Variants in ANKS1A observed in about 807,000 individuals in gnomAD.
ANKS1A encodes the protein ankyrin repeat and sterile alpha motif domain containing 1A.
In ANKS1A, 55 loss-of-function variants were observed where a neutral mutation model predicts 120.3. That is an observed-to-expected ratio of 0.46 (90% CI 0.37 to 0.57). The LOEUF (loss-of-function observed/expected upper bound fraction) is 0.57, where lower values mean the gene tolerates loss of function less well. Ranked by LOEUF, ANKS1A falls within the 20% of genes least tolerant of loss-of-function variation. The probability of loss-of-function intolerance (pLI) is 0.00; values close to 1 mark genes in which losing one functional copy is unlikely to be tolerated. For synonymous variants in ANKS1A, 590 were observed against 604.7 expected (o/e 0.98, Z 0.36); for missense variants, 1,123 against 1,480.3 (o/e 0.76, Z 3.96).
chr6:34,891,366 C>T (rs1766815948), intron 1 of ANKS1A, among the ~76,000 whole-genome samples: 1 of 152,068 alleles, frequency 6.6e-6, no homozygotes, highest in African/African-American at 2.4e-5. Context: ...ATTCTCAGTC[C>T]CTAGATCAGT....
At chr6:34,991,722 A>G (rs1772563228) in intron 9 of ANKS1A, among the ~76,000 whole-genome samples, 1 of 73,804 alleles carries the variant, frequency 1.4e-5, no homozygotes, top group Non-Finnish European at 2.9e-5. Context: ...ACATATATAT[A>G]CATATATACA....
At chr6:34,933,820 A>G (rs1409317731) in intron 1 of ANKS1A, among the ~76,000 whole-genome samples, 2 of 152,216 alleles carry the variant, frequency 1.3e-5, no homozygotes, top group African/African-American at 2.4e-5. Flanking sequence ...CTTTGAAAAA[A>G]TACTAACAAA....
Position 35,032,930 on chromosome 6 carries a change from A to G in ANKS1A, c.2010+14871A>G, listed in dbSNP as rs146893916. 3.0e-3 allele frequency among the ~76,000 whole-genome samples: 460 copies of G among 152,334 alleles called. 2 individuals carry two copies. The highest frequency in any genetic ancestry group is 9.7e-3 in the African/African-American group (405 of 41,574). ...CCTCCCTCACCCATTTTTTAAAGGTAAAAATATTTCACTAAAACAAGCTGG... is the reference window on the plus strand; with the variant it reads ...CCTCCCTCACCCATTTTTTAAAGGTGAAAATATTTCACTAAAACAAGCTGG... On this transcript the variant is annotated intron_variant, in intron 11 of 23. Coordinates refer to ENST00000360359, the MANE Select transcript of ANKS1A (RefSeq NM_015245.3).
chr6:35,071,456 G>T (rs1777083289), intron 13 of ANKS1A, among the ~76,000 whole-genome samples: 1 of 152,138 alleles, frequency 6.6e-6, no homozygotes. Context: ...TCAGTCTTAG[G>T]ATCTCTGCTT....
chr6:35,075,415 CTTTTT>C (rs747359283), intron 13 of ANKS1A, among the ~76,000 whole-genome samples: 2 of 129,890 alleles, frequency 1.5e-5, no homozygotes, highest in African/African-American at 2.9e-5. Context: ...GGTTAATTTT[CTTTTT>C]TTTTTTTTTT....
chr6:34,983,183 A>G lies in ANKS1A; in HGVS notation c.879A>G (p.Gln293=), dbSNP rs994200077. 5 of 1,614,070 alleles carry G rather than the reference A, an allele frequency of 3.1e-6. No homozygotes were observed. Among genetic ancestry groups the G allele is most frequent in the East Asian group, 2.2e-5 (1 of 44,898 alleles). ...ALDTVRELPS[Q]KSQQIAALIE... is the part of the protein sequence containing the mutation. ...ACACTGTTCGGGAACTGCCTTCTCA[A>G]AAGAGCCAGCAAATAGCAGCATTAA... The change falls in exon 6 of 24, where the codon CAA becomes CAG. Residue 293 remains glutamine, a synonymous_variant. Coordinates refer to ENST00000360359, the MANE Select transcript of ANKS1A (RefSeq NM_015245.3).
intron 1 of ANKS1A, among the ~76,000 whole-genome samples, chr6:34,954,224 G>A (rs963452315): frequency 5.9e-5 from 9 of 152,092 alleles, no homozygotes; most frequent in African/African-American, 1.9e-4. Context: ...TTTCTGTTAT[G>A]GGGATTGAGA....
At chr6:34,925,822 T>C (rs1193707183) in intron 1 of ANKS1A, among the ~76,000 whole-genome samples, 1 of 152,140 alleles carries the variant, frequency 6.6e-6, no homozygotes, top group East Asian at 1.9e-4. Context: ...CAGAGATGTT[T>C]TTGGTTGTCA....
At chr6:34,996,217 G>T (rs1046310598) in intron 10 of ANKS1A, among the ~76,000 whole-genome samples, 1 of 152,056 alleles carries the variant, frequency 6.6e-6, no homozygotes, top group Non-Finnish European at 1.5e-5. Flanking sequence ...TGATTAATGT[G>T]ATTAGTTACC....
intron 10 of ANKS1A, among the ~76,000 whole-genome samples, chr6:35,006,289 G>A (rs1162057840): frequency 6.6e-6 from 1 of 151,040 alleles, no homozygotes; most frequent in Admixed American, 6.6e-5. Flanking sequence ...AACCCAGGAG[G>A]CGCCTCTTTT....
intron 10 of ANKS1A, among the ~76,000 whole-genome samples, chr6:35,000,377 A>G (rs1773100078): frequency 6.6e-6 from 1 of 152,222 alleles, no homozygotes; most frequent in Non-Finnish European, 1.5e-5. Flanking sequence ...GTTTGCTAAA[A>G]GTTAACAGTG....
chr6:35,046,060 CAT>C lies in ANKS1A; in HGVS notation c.2011-8036_2011-8035del, dbSNP rs1775706338. Among the ~76,000 whole-genome samples, 5 of 152,318 alleles carry C rather than the reference CAT, an allele frequency of 3.3e-5. No individual in the cohort carries two copies. In the South Asian group the frequency reaches 1.0e-3, roughly 32 times the overall value. ...GATTTCAGGAGACAGAGGATACAAACATATTCTACTAGCTAAGTATTCTAATG... is the reference window on the plus strand; with the variant it reads ...GATTTCAGGAGACAGAGGATACAAACATTCTACTAGCTAAGTATTCTAATG... On this transcript the variant is annotated intron_variant, in intron 11 of 23. Transcript: ENST00000360359.
intron 1 of ANKS1A, among the ~76,000 whole-genome samples, chr6:34,934,555 G>A (rs897389417): frequency 1.3e-5 from 2 of 152,192 alleles, no homozygotes; most frequent in East Asian, 3.8e-4. Context: ...CATTACTCTA[G>A]GACCCTGTCT....
At chr6:34,974,671 A>G (rs1771466824) in intron 3 of ANKS1A, among the ~76,000 whole-genome samples, 1 of 152,138 alleles carries the variant, frequency 6.6e-6, no homozygotes, top group Non-Finnish European at 1.5e-5. Flanking sequence ...TGACTTAAGC[A>G]AGTTACTTAA....
intron 1 of ANKS1A, among the ~76,000 whole-genome samples, chr6:34,914,467 T>G (rs1768063065): frequency 1.3e-5 from 2 of 152,212 alleles, no homozygotes; most frequent in South Asian, 4.1e-4. Flanking sequence ...GATTTAGTGT[T>G]TTCAGGACGA....
chr6:34,933,755 C>T (rs1018759848), intron 1 of ANKS1A, among the ~76,000 whole-genome samples: 1 of 152,190 alleles, frequency 6.6e-6, no homozygotes, highest in African/African-American at 2.4e-5. Flanking sequence ...TAGTTTCTTC[C>T]AACCCTTTTG....
At chr6:35,009,062 C>T (rs555068744) in intron 10 of ANKS1A, among the ~76,000 whole-genome samples, 13 of 152,246 alleles carry the variant, frequency 8.5e-5, no homozygotes, top group Admixed American at 2.6e-4. Context: ...TGTTTATTCC[C>T]GAGACAATGC....
At chr6:34,938,927 A>T (rs1365888487) in intron 1 of ANKS1A, among the ~76,000 whole-genome samples, 2 of 152,196 alleles carry the variant, frequency 1.3e-5, no homozygotes, top group African/African-American at 4.8e-5. Flanking sequence ...GGTGGAGGTT[A>T]CAGTGAGCTG....
intron 1 of ANKS1A, among the ~76,000 whole-genome samples, chr6:34,940,226 A>G (rs1769457235): frequency 6.6e-6 from 1 of 152,248 alleles, no homozygotes; most frequent in East Asian, 1.9e-4. Flanking sequence ...TAAAGAAAAG[A>G]TTAATTATAC....
Sources: allele counts gnomAD v4.1 joint callset (sites outside exome capture counted in the v4.1 genomes callset), GRCh38; gene constraint gnomAD v4.1.1; transcripts MANE v1.5; gene names NCBI Gene and HGNC (gene_info 2026-07-23, HGNC 2026-07-21).